Variants in SLC7A14 observed in about 807,000 individuals in gnomAD.
SLC7A14 encodes the protein gamma-aminobutyric acid transporter SLC7A14.
A neutral mutation model predicts 60.2 loss-of-function variants in SLC7A14; 37 were observed. That is an observed-to-expected ratio of 0.61 (90% CI 0.47 to 0.81). The LOEUF (loss-of-function observed/expected upper bound fraction) is 0.81, where lower values mean the gene tolerates loss of function less well. SLC7A14 is among the 30% of genes least tolerant of loss of function. The pLI, the probability that SLC7A14 is intolerant of heterozygous loss-of-function variation, is 0.00. For missense variants in SLC7A14, 886 were observed against 982.7 expected, an observed-to-expected ratio of 0.90 and a Z score of 1.32; for synonymous variants, 399 against 395.8, an observed-to-expected ratio of 1.01 and a Z score of -0.10.
intron 2 of SLC7A14, among the ~76,000 whole-genome samples, chr3:170,505,898 A>G (rs975391496): frequency 7.2e-5 from 11 of 152,046 alleles, no homozygotes; most frequent in Admixed American, 5.2e-4. Flanking sequence ...AAAAAAAAAA[A>G]AGAGAGATTA....
intron 2 of SLC7A14, among the ~76,000 whole-genome samples, chr3:170,512,654 ATTTTTTTTTTT>A (rs71176570): frequency 4.3e-4 from 27 of 63,168 alleles, no homozygotes; most frequent in Admixed American, 8.2e-4. Flanking sequence ...TACAATTTGC[ATTTTTTTTTTT>A]TTTTTTTTTT....
intron 1 of SLC7A14, among the ~76,000 whole-genome samples, chr3:170,582,845 A>T (rs985550173): frequency 1.1e-4 from 16 of 152,194 alleles, no homozygotes; most frequent in African/African-American, 3.9e-4. Context: ...ATTGATGAAG[A>T]TGAGACTTTA....
intron 7 of SLC7A14, among the ~76,000 whole-genome samples, chr3:170,471,090 G>GGGGTGTGTGT (rs1553864201): frequency 6.1e-5 from 9 of 146,356 alleles, no homozygotes; most frequent in Non-Finnish European, 1.2e-4. Flanking sequence ...TCTGGGAAGG[G>GGGGTGTGTGT]GTGTGTGTGT....
intron 2 of SLC7A14, among the ~76,000 whole-genome samples, chr3:170,520,318 T>A (rs1443901230): frequency 6.6e-6 from 1 of 152,218 alleles, no homozygotes; most frequent in African/African-American, 2.4e-5. Context: ...CACTTAGAAC[T>A]CTTTTGGTAC....
intron 1 of SLC7A14, among the ~76,000 whole-genome samples, chr3:170,530,436 C>T (rs1001661610): frequency 8.5e-5 from 13 of 152,176 alleles, no homozygotes; most frequent in African/African-American, 3.1e-4. Flanking sequence ...GGGAGAAGGG[C>T]AGTCACTTAC....
At position 170,526,630 on chromosome 3, in the gene SLC7A14, T is replaced by TA. The variant is rs1361780272; in HGVS notation, c.304+2dup. On this transcript the variant is annotated splice_region_variant and intron_variant, in intron 2 of 7. Transcript: ENST00000231706. The stretch of plus-strand genomic sequence containing the variant: ...CAGTACTTCCCTGCATGGAGACACT[T>TA]ACCTGATAATATGGATGCGACGGCT... The TA allele has an allele frequency of 6.2e-7, 1 of 1,613,466 alleles. No individual in the cohort carries two copies. Among genetic ancestry groups the TA allele is most frequent in the Non-Finnish European group, 8.5e-7 (1 of 1,179,842 alleles).
At chr3:170,581,068 C>T (rs1312707700) in intron 1 of SLC7A14, among the ~76,000 whole-genome samples, 1 of 152,072 alleles carries the variant, frequency 6.6e-6, no homozygotes, top group Admixed American at 6.5e-5. Context: ...CCTAATGACC[C>T]CAACAGATTT....
intron 1 of SLC7A14, among the ~76,000 whole-genome samples, chr3:170,576,808 C>T (rs1715104101): frequency 6.6e-6 from 1 of 152,100 alleles, no homozygotes. Flanking sequence ...TCCCAGTCCA[C>T]CAAAAGTCAG....
At chr3:170,528,463 T>G (rs903550726) in intron 1 of SLC7A14, among the ~76,000 whole-genome samples, 4 of 152,182 alleles carry the variant, frequency 2.6e-5, no homozygotes, top group Non-Finnish European at 4.4e-5. Flanking sequence ...CTCAGGACAT[T>G]TATATAATCA....
chr3:170,502,194 G>T (rs1027902493), intron 2 of SLC7A14, among the ~76,000 whole-genome samples: 7 of 152,174 alleles, frequency 4.6e-5, no homozygotes, highest in Non-Finnish European at 1.0e-4. Flanking sequence ...GTGCACTGAG[G>T]TATTAGGAGG....
Position 170,550,512 on chromosome 3 carries a change from A to ATTTTTTTTTTTTTTTTTTT in SLC7A14, c.-152-23443_-152-23425dup, listed in dbSNP as rs369436642. Among the ~76,000 whole-genome samples, 85 of 60,596 alleles carry ATTTTTTTTTTTTTTTTTTT rather than the reference A, an allele frequency of 1.4e-3. 9 individuals are homozygous for ATTTTTTTTTTTTTTTTTTT. The highest frequency in any genetic ancestry group is 2.9e-3 in the African/African-American group (33 of 11,464). 39.8% of individuals were successfully genotyped at this position (60,596 alleles called of 152,430 possible). Reference sequence around the variant, plus strand: ...TAAACCTAATGCCATCTTTCCTTGAATTTTTTTTTTTTTTTTTTTTTTTTT... The same window carrying ATTTTTTTTTTTTTTTTTTT: ...TAAACCTAATGCCATCTTTCCTTGAATTTTTTTTTTTTTTTTTTTTTTTTTTTTTTTTTTTTTTTTTTTT... On this transcript the variant is annotated intron_variant, in intron 1 of 7. Transcript: ENST00000231706.
At chr3:170,495,659 G>A (rs1177096452) in intron 4 of SLC7A14, 19 of 848,586 alleles carry the variant, frequency 2.2e-5, no homozygotes, top group Middle Eastern at 5.5e-4. Flanking sequence ...AGAGCCTGCT[G>A]AGCCCTGTTA....
chr3:170,539,246 A>C (rs1419994369), intron 1 of SLC7A14, among the ~76,000 whole-genome samples: 1 of 152,088 alleles, frequency 6.6e-6, no homozygotes, highest in Non-Finnish European at 1.5e-5. Context: ...GGGCCTTTGC[A>C]CTTGTTTCTT....
intron 2 of SLC7A14, among the ~76,000 whole-genome samples, chr3:170,517,176 GAACT>G (rs556322312): frequency 3.3e-5 from 5 of 152,148 alleles, no homozygotes; most frequent in Admixed American, 2.0e-4. Flanking sequence ...ATAATAATAT[GAACT>G]AACATTTATC....
intron 4 of SLC7A14, among the ~76,000 whole-genome samples, chr3:170,492,718 G>C (rs948759380): frequency 6.6e-6 from 1 of 152,126 alleles, no homozygotes; most frequent in African/African-American, 2.4e-5. Context: ...CAGTATGTGA[G>C]GTCCCTAAAA....
intron 1 of SLC7A14, among the ~76,000 whole-genome samples, chr3:170,569,160 C>T (rs1714874387): frequency 1.3e-5 from 2 of 152,104 alleles, no homozygotes; most frequent in Non-Finnish European, 2.9e-5. Flanking sequence ...TCATAGATAG[C>T]TCTTATTATT....
chr3:170,484,274 G>A (rs2108270960), intron 5 of SLC7A14, among the ~76,000 whole-genome samples: 1 of 152,292 alleles, frequency 6.6e-6, no homozygotes, highest in Admixed American at 6.5e-5. Context: ...AGCAGAAGAG[G>A]AAATAGAGAG....
In SLC7A14 at chr3:170,467,190, T is replaced by C. The variant is rs1739739932; in HGVS notation, c.2181A>G (p.Lys727=). ...CTGACATCTGTTGGTAATAGAAGCCTTTGTCTTCAGTGGGCCCGCCCCAGT... is the reference window on the plus strand; with the variant it reads ...CTGACATCTGTTGGTAATAGAAGCCCTTGTCTTCAGTGGGCCCGCCCCAGT... ...QEDWGGPTED[K]GFYYQQMSDA... Residue 727 remains lysine (K), a synonymous_variant, in exon 8 of 8, where the codon AAA becomes AAG. Coordinates refer to ENST00000231706, the MANE Select transcript of SLC7A14 (RefSeq NM_020949.3). 1 of 1,614,086 alleles carries C rather than the reference T, an allele frequency of 6.2e-7. No individual in the cohort carries two copies.
intron 1 of SLC7A14, among the ~76,000 whole-genome samples, chr3:170,542,203 A>G (rs1212705066): frequency 6.6e-6 from 1 of 152,206 alleles, no homozygotes; most frequent in African/African-American, 2.4e-5. Flanking sequence ...TCGAGCCAAC[A>G]TCTTTACTGG....
Sources: allele counts gnomAD v4.1 joint callset (sites outside exome capture counted in the v4.1 genomes callset), GRCh38; gene constraint gnomAD v4.1.1; transcripts MANE v1.5; gene names NCBI Gene and HGNC (gene_info 2026-07-23, HGNC 2026-07-21).